Variants in HIVEP1 observed in about 807,000 individuals in gnomAD.
The protein encoded by HIVEP1 is zinc finger protein 40.
A neutral mutation model predicts 180.0 loss-of-function variants in HIVEP1; 36 were observed. The observed-to-expected ratio is 0.20, with a 90% CI of 0.15 to 0.26. The LOEUF (loss-of-function observed/expected upper bound fraction) is 0.26. Among genes scored for constraint, HIVEP1 ranks in the 10% least tolerant of loss-of-function variants. The pLI, the probability that HIVEP1 is intolerant of heterozygous loss-of-function variation, is 1.00. For missense variants in HIVEP1, 3,143 were observed against 3,268.7 expected, an observed-to-expected ratio of 0.96 and a Z score of 0.94; for synonymous variants, 1,239 against 1,239.0, an observed-to-expected ratio of 1.00 and a Z score of 0.00.
At chr6:12,023,655 CT>C (rs60857853) in intron 2 of HIVEP1, among the ~76,000 whole-genome samples, 3 of 139,876 alleles carry the variant, frequency 2.1e-5, no homozygotes, top group African/African-American at 4.9e-5. Flanking sequence ...AGCAAGCCTC[CT>C]TTTTTTTTGC....
chr6:12,040,260 A>C (rs1030098414), intron 2 of HIVEP1, among the ~76,000 whole-genome samples: 1 of 152,156 alleles, frequency 6.6e-6, no homozygotes, highest in African/African-American at 2.4e-5. Flanking sequence ...CTTTTCCACC[A>C]GGTGGTGCAA....
rs1760160619 is a variant in HIVEP1, at chr6:12,157,982, C to CA, written c.6488-3456dup. On this transcript the variant is annotated intron_variant, in intron 7 of 8. Coordinates refer to ENST00000379388, the MANE Select transcript of HIVEP1 (RefSeq NM_002114.4). ...TCATTGGATTCTTTTTAATAGTTGT[C>CA]AGCACTCAGCTGAAAGTCCCATCTG... is the stretch of plus-strand genomic sequence containing the variant. 2.0e-5 allele frequency among the ~76,000 whole-genome samples: 3 copies of CA among 152,142 alleles called. No homozygotes were observed. The South Asian group carries it at 6.2e-4, about 31-fold the overall frequency.
chr6:12,022,018 GA>G (rs1216632250), intron 2 of HIVEP1, among the ~76,000 whole-genome samples: 1 of 152,112 alleles, frequency 6.6e-6, no homozygotes, highest in East Asian at 1.9e-4. Flanking sequence ...TATACTCAGG[GA>G]ATTTGTTTAC....
intron 3 of HIVEP1, among the ~76,000 whole-genome samples, chr6:12,094,147 T>C (rs1029910443): frequency 6.6e-6 from 1 of 152,030 alleles, no homozygotes; most frequent in Non-Finnish European, 1.5e-5. Context: ...TTTGTAAAAT[T>C]GTTTTCTAGT....
At chr6:12,023,996 AAATT>A (rs1768419730) in intron 2 of HIVEP1, among the ~76,000 whole-genome samples, 1 of 152,226 alleles carries the variant, frequency 6.6e-6, no homozygotes, top group East Asian at 1.9e-4. Context: ...TTTTATGAAT[AAATT>A]AAGTGCTTTA....
chr6:12,108,348 C>T (rs1178598916), intron 3 of HIVEP1, among the ~76,000 whole-genome samples: 3 of 152,372 alleles, frequency 2.0e-5, no homozygotes, highest in African/African-American at 4.8e-5. Flanking sequence ...TGCACCAGGA[C>T]TGCAGGTGGA....
chr6:12,011,347 G>A (rs1464813109), upstream of HIVEP1, among the ~76,000 whole-genome samples: 1 of 130,570 alleles, frequency 7.7e-6, no homozygotes, highest in African/African-American at 2.9e-5. Flanking sequence ...TGACGTCAGC[G>A]GCCGGCCCAC....
At chr6:12,011,164 T>TA (rs1415793715), upstream of HIVEP1, among the ~76,000 whole-genome samples, 21 of 151,952 alleles carry the variant, frequency 1.4e-4, no homozygotes, top group Non-Finnish European at 2.4e-4. Context: ...ACCAACACCC[T>TA]GCCCCCTCCG....
At chr6:12,008,498 T>A (rs960254351), upstream of HIVEP1, 1 of 152,280 alleles carries the variant, frequency 6.6e-6, no homozygotes, top group Non-Finnish European at 1.5e-5. Flanking sequence ...GATTGTTCAT[T>A]TCAGTCCAGG....
intron 3 of HIVEP1, among the ~76,000 whole-genome samples, chr6:12,104,264 C>T (rs904984911): frequency 6.6e-6 from 1 of 151,960 alleles, no homozygotes; most frequent in Non-Finnish European, 1.5e-5. Flanking sequence ...GCCTCTGCCT[C>T]ATTGTGTATC....
intron 2 of HIVEP1, among the ~76,000 whole-genome samples, chr6:12,017,387 G>C (rs115538918): frequency 0.011 from 1,608 of 152,294 alleles, 18 homozygotes; most frequent in African/African-American, 0.037. Context: ...TCGTGGTCTC[G>C]CTGGTTCAGG....
intron 6 of HIVEP1, among the ~76,000 whole-genome samples, chr6:12,135,111 C>G (rs1758635045): frequency 1.3e-5 from 2 of 152,294 alleles, no homozygotes; most frequent in African/African-American, 4.8e-5. Context: ...CCTGAGATAG[C>G]ATCTGAGGTT....
the HIVEP1 span, among the ~76,000 whole-genome samples, chr6:12,175,547 A>T: frequency 6.6e-6 from 1 of 152,274 alleles, no homozygotes; most frequent in Non-Finnish European, 1.5e-5. Flanking sequence ...CTTATGAAGC[A>T]CGTATCACAT....
chr6:12,089,299 C>A, intron 3 of HIVEP1, 62 bp downstream of exon 3: 1 of 883,956 alleles, frequency 1.1e-6, no homozygotes, highest in Admixed American at 2.1e-5. Context: ...ACATATACCT[C>A]ATAAATGTAG....
chr6:12,046,615 C>T (rs958078691), intron 2 of HIVEP1, among the ~76,000 whole-genome samples: 1 of 151,830 alleles, frequency 6.6e-6, no homozygotes, highest in Non-Finnish European at 1.5e-5. Context: ...CCTGTCTTTA[C>T]CAAAAATACA....
intron 2 of HIVEP1, among the ~76,000 whole-genome samples, chr6:12,041,200 T>G (rs1739616269): frequency 6.6e-6 from 1 of 152,034 alleles, no homozygotes; most frequent in South Asian, 2.1e-4. Flanking sequence ...GGCAGGCGGA[T>G]CACAAGGTCA....
chr6:12,009,791 C>A (rs1767184486), upstream of HIVEP1, among the ~76,000 whole-genome samples: 1 of 152,188 alleles, frequency 6.6e-6, no homozygotes, highest in Admixed American at 6.5e-5. Context: ...GTATATATTT[C>A]AAATAAAAGT....
At chr6:12,126,513 C>A (rs1758079520) in intron 4 of HIVEP1, among the ~76,000 whole-genome samples, 1 of 152,198 alleles carries the variant, frequency 6.6e-6, no homozygotes. Flanking sequence ...TTTGTGGAAT[C>A]AGTCTCATTA....
At chr6:12,016,518 T>A (rs898754413) in intron 2 of HIVEP1, among the ~76,000 whole-genome samples, 1 of 152,170 alleles carries the variant, frequency 6.6e-6, no homozygotes, top group African/African-American at 2.4e-5. Context: ...ATCAAATAAA[T>A]TAATTTGAAA....
Sources: allele counts gnomAD v4.1 joint callset (sites outside exome capture counted in the v4.1 genomes callset), GRCh38; gene constraint gnomAD v4.1.1; transcripts MANE v1.5; gene names NCBI Gene and HGNC (gene_info 2026-07-23, HGNC 2026-07-21).